The following FGF3 variants were observed in gnomAD, a reference collection of about 807,000 sequenced individuals.
The protein encoded by FGF3 is FGF-3.
FGF3 carries 7 observed loss-of-function variants against 9.8 expected under a neutral mutation model. That is an observed-to-expected ratio of 0.72 (90% CI 0.41 to 1.35). FGF3 has a LOEUF of 1.35. FGF3 is among the 40% of genes most tolerant of loss of function. The pLI, the probability that FGF3 is intolerant of heterozygous loss-of-function variation, is 0.01. For missense variants in FGF3, 390 were observed against 345.6 expected, an observed-to-expected ratio of 1.13 and a Z score of -1.02; for synonymous variants, 173 against 157.2, an observed-to-expected ratio of 1.10 and a Z score of -0.75.
At chr11:69,815,107 GTGGATGGATGGA>G (rs59823352) in intron 2 of FGF3, among the ~76,000 whole-genome samples, 4 of 147,676 alleles carry the variant, frequency 2.7e-5, no homozygotes, top group Middle Eastern at 7.0e-3. Context: ...GGGTGGATAG[GTGGATGGATGGA>G]TGGATGGATG....
In FGF3 at chr11:69,818,704, C is replaced by T. The variant is rs981757877; in HGVS notation, c.220+10G>A. ...GCTTCCCCCGGGGCCCCGCAGCGTC[C>T]GGCACTCACTGTAGGCGCTGTTCTC... On this transcript the variant is annotated intron_variant, in intron 1 of 2. Coordinates refer to ENST00000334134, the MANE Select transcript of FGF3 (RefSeq NM_005247.4). 1.4e-6 allele frequency: 2 copies of T among 1,475,446 alleles called. No homozygotes were observed. Among genetic ancestry groups the T allele is most frequent in the Non-Finnish European group, 1.8e-6 (2 of 1,119,102 alleles). The allele number at this position is 1,475,446 out of a possible 1,614,324, so 91.4% of individuals were successfully genotyped here.
At chr11:69,813,930 GGATGGGTT>G (rs140907304) in intron 2 of FGF3, among the ~76,000 whole-genome samples, 56,182 of 122,758 alleles carry the variant, frequency 0.46, 14,530 homozygotes, top group East Asian at 0.59. Context: ...ATGGATTGGT[GGATGGGTT>G]GATGGGTGGA....
chr11:69,819,015 C>T lies in FGF3; in HGVS notation c.-82G>A. ...GGAAGGGGCGGCAGCCGGACAGCTG[C>T]GAGGTGCTCGGAGCGGGATCCCGCG... On this transcript the variant is annotated 5_prime_UTR_variant, in exon 1 of 3. Coordinates refer to ENST00000334134, the MANE Select transcript of FGF3 (RefSeq NM_005247.4). 1 of 924,284 alleles carries T rather than the reference C, an allele frequency of 1.1e-6. No individual in the cohort carries two copies. The highest frequency in any genetic ancestry group is 1.8e-5 in the African/African-American group (1 of 56,138). The allele number at this position is 924,284 out of a possible 1,614,324, so 57.3% of individuals were successfully genotyped here. A position where few individuals can be genotyped will look rare whatever the true frequency, so the allele number is the denominator to read the frequency against.
At chr11:69,814,047 A>T (rs1554980824) in intron 2 of FGF3, among the ~76,000 whole-genome samples, 1 of 151,764 alleles carries the variant, frequency 6.6e-6, no homozygotes, top group African/African-American at 2.4e-5. Flanking sequence ...GGTTGGAAGG[A>T]TGGATGGAAA....
chr11:69,810,346 C>G lies in FGF3; in HGVS notation c.679G>C (p.Ala227Pro). ...PDNLEPSHVQ[A>P]SRLGSQLEAS... is the part of the protein sequence containing the mutation. ...TCCAGCTGGGAGCCCAGTCTCGAAG[C>G]CTGAACGTGAGAGGGCTCCAGGTTA... Residue 227 changes from alanine (A) to proline (P), a missense_variant, in exon 3 of 3, where the codon GCT becomes CCT. Ala to Pro is a conservative substitution (Grantham distance 27). Coordinates refer to ENST00000334134, the MANE Select transcript of FGF3 (RefSeq NM_005247.4). 1.3e-6 allele frequency: 2 copies of G among 1,568,112 alleles called. No individual in the cohort carries two copies. Among genetic ancestry groups the G allele is most frequent in the African/African-American group, 2.7e-5 (2 of 74,012 alleles).
intron 2 of FGF3, 126 bp downstream of exon 2, chr11:69,816,194 T>G: frequency 1.3e-6 from 1 of 798,666 alleles, no homozygotes; most frequent in Non-Finnish European, 2.2e-6. Flanking sequence ...CAGGGTCTGG[T>G]CCTAGCTTGG....
rs1304541598 is a variant in FGF3 at position 69,818,989 on chromosome 11, T to C, written c.-56A>G. 2 of 1,212,946 alleles carry C rather than the reference T, an allele frequency of 1.6e-6. No homozygotes were observed. The highest frequency in any genetic ancestry group is 1.6e-5 in the South Asian group (1 of 63,664). 75.1% of individuals were successfully genotyped at this position (1,212,946 alleles called of 1,614,324 possible). On this transcript the variant is annotated 5_prime_UTR_variant, in exon 1 of 3. An upstream start codon of the reference 5' UTR is lost. Coordinates refer to ENST00000334134, the MANE Select transcript of FGF3 (RefSeq NM_005247.4). ...CGGCTGCAGGCGAGCGCGGCGCCCA[T>C]GGAAGGGGCGGCAGCCGGACAGCTG... is the stretch of plus-strand genomic sequence containing the variant.
intron 2 of FGF3, among the ~76,000 whole-genome samples, chr11:69,814,944 G>A (rs1554980925): frequency 6.6e-6 from 1 of 152,200 alleles, no homozygotes; most frequent in African/African-American, 2.4e-5. Flanking sequence ...GCACCATGAG[G>A]GCCCCTGCTC....
chr11:69,816,587 C>T (rs926403311), intron 1 of FGF3, among the ~76,000 whole-genome samples, 164 bp from the exon 2 acceptor site: 1 of 152,120 alleles, frequency 6.6e-6, no homozygotes, highest in Admixed American at 6.5e-5. Context: ...GAGAAGTCAC[C>T]GGACAGGAGG....
At chr11:69,814,223 A>G (rs188024915) in intron 2 of FGF3, among the ~76,000 whole-genome samples, 1 of 152,030 alleles carries the variant, frequency 6.6e-6, no homozygotes, top group East Asian at 1.9e-4. Flanking sequence ...GGAAGTGATG[A>G]GCCTGCCTTT....
intron 2 of FGF3, among the ~76,000 whole-genome samples, chr11:69,815,717 G>A (rs1382708061): frequency 6.6e-6 from 1 of 152,156 alleles, no homozygotes; most frequent in Non-Finnish European, 1.5e-5. Context: ...ATGAAGAGGG[G>A]CGCTGCCATA....
chr11:69,810,536 G>A lies in FGF3; in HGVS notation c.489C>T (p.Pro163=). 6.2e-7 allele frequency: 1 copy of A among 1,612,268 alleles called. No homozygotes were observed. Among genetic ancestry groups the A allele is most frequent in the Non-Finnish European group, 8.5e-7 (1 of 1,179,560 alleles). Reference sequence around the variant, plus strand: ...TGCGGCGGGTCTTGAAGCCCCTGCGGGGCCGGCCCTTGCCGTTCACAGACA... The same window carrying A: ...TGCGGCGGGTCTTGAAGCCCCTGCGAGGCCGGCCCTTGCCGTTCACAGACA... ...WYVSVNGKGR[P]RRGFKTRRTQ... The change falls in exon 3 of 3, where the codon CCC becomes CCT. Residue 163 remains proline, a synonymous_variant. Transcript: ENST00000334134.
intron 2 of FGF3, among the ~76,000 whole-genome samples, chr11:69,811,277 G>A (rs529451522): frequency 6.6e-5 from 10 of 151,958 alleles, no homozygotes; most frequent in South Asian, 2.1e-4. Flanking sequence ...GCAAAACCCC[G>A]TCTCTACTAA....
intron 2 of FGF3, among the ~76,000 whole-genome samples, chr11:69,811,985 G>A (rs1856038081): frequency 6.6e-6 from 1 of 152,180 alleles, no homozygotes; most frequent in South Asian, 2.1e-4. Context: ...TGTGGCGTAG[G>A]GAAGAGGTGG....
At chr11:69,818,114 G>A (rs1856170785) in intron 1 of FGF3, among the ~76,000 whole-genome samples, 1 of 152,110 alleles carries the variant, frequency 6.6e-6, no homozygotes, top group Non-Finnish European at 1.5e-5. Flanking sequence ...GGTGGCGGCC[G>A]CGGCCAGGGA....
In FGF3 at chr11:69,810,619, T is replaced by G; in HGVS notation, c.406A>C (p.Thr136Pro). 6.2e-7 allele frequency: 1 copy of G among 1,607,174 alleles called. No individual in the cohort carries two copies. The highest frequency in any genetic ancestry group is 1.1e-5 in the South Asian group (1 of 90,718). ...YNTYASRLYR[T>P]VSSTPGARRQ... ...CGGGCCCCAGGCGTACTAGACACCG[T>G]CCGGTACAGCCGGGAGGCATACGTA... Residue 136 changes from threonine to proline, a missense_variant, in exon 3 of 3, where the codon ACG becomes CCG. Transcript: ENST00000334134.
intron 2 of FGF3, among the ~76,000 whole-genome samples, chr11:69,812,194 G>A (rs539166791): frequency 1.3e-5 from 2 of 152,238 alleles, no homozygotes; most frequent in South Asian, 2.1e-4. Flanking sequence ...GGGAGGAGTC[G>A]GAGGCCCTCA....
chr11:69,811,558 C>T (rs1239804604), intron 2 of FGF3, among the ~76,000 whole-genome samples: 1 of 152,102 alleles, frequency 6.6e-6, no homozygotes, highest in Non-Finnish European at 1.5e-5. Flanking sequence ...GTTTGATGAG[C>T]CCAGACTCTC....
chr11:69,810,667 G>T lies in FGF3; in HGVS notation c.358C>A (p.Arg120=), dbSNP rs376445217. ...HYSAECEFVE[R]IHELGYNTYA... ...GTATTATAGCCCAGCTCGTGGATCCGCTCCACAAACTCGCACTCGGCGCTG... is the reference window on the plus strand; with the variant it reads ...GTATTATAGCCCAGCTCGTGGATCCTCTCCACAAACTCGCACTCGGCGCTG... Residue 120 remains arginine, a synonymous_variant, in exon 3 of 3, where the codon CGG becomes AGG. Coordinates refer to ENST00000334134, the MANE Select transcript of FGF3 (RefSeq NM_005247.4). The T allele has an allele frequency of 6.3e-7, 1 of 1,592,284 alleles. No individual in the cohort carries two copies. Among genetic ancestry groups the T allele is most frequent in the South Asian group, 1.1e-5 (1 of 89,126 alleles).
Sources: allele counts gnomAD v4.1 joint callset (sites outside exome capture counted in the v4.1 genomes callset), GRCh38; gene constraint gnomAD v4.1.1; transcripts MANE v1.5; gene names NCBI Gene and HGNC (gene_info 2026-07-23, HGNC 2026-07-21).